Variants in EPHA5 observed in about 807,000 individuals in gnomAD.
The protein encoded by EPHA5 is EPH receptor A5, also known as ephrin type-A receptor 5.
EPHA5 carries 60 observed loss-of-function variants against 105.0 expected under a neutral mutation model. That is an observed-to-expected ratio of 0.57 (90% CI 0.46 to 0.71). The LOEUF is 0.71. Ranked by LOEUF, EPHA5 falls within the 30% of genes least tolerant of loss-of-function variation. The pLI is 0.00. For missense variants in EPHA5, 1,218 were observed against 1,274.7 expected (o/e 0.96, Z 0.68); for synonymous variants, 513 against 449.1 (o/e 1.14, Z -1.80).
intron 2 of EPHA5, among the ~76,000 whole-genome samples, chr4:65,615,967 C>T (rs1745199098): frequency 6.6e-6 from 1 of 151,860 alleles, no homozygotes; most frequent in African/African-American, 2.4e-5. Context: ...CTTACGTCCA[C>T]AGAAATACCT....
At chr4:65,355,453 C>T (rs1723209006) in intron 11 of EPHA5, among the ~76,000 whole-genome samples, 1 of 151,588 alleles carries the variant, frequency 6.6e-6, no homozygotes, top group African/African-American at 2.4e-5. Flanking sequence ...TTGTCAGACT[C>T]TTTTTAAAGG....
At chr4:65,500,600 T>A (rs1350030442) in intron 3 of EPHA5, among the ~76,000 whole-genome samples, 1 of 151,032 alleles carries the variant, frequency 6.6e-6, no homozygotes, top group Non-Finnish European at 1.5e-5. Context: ...TATTTTCAAT[T>A]AAATTTCTTT....
Position 65,336,135 on chromosome 4 carries a change from G to A in EPHA5, c.2596-10C>T, listed in dbSNP as rs772075534. ...CTACCGCTTTAATCACCTGTATAAA[G>A]CAAAACAGAACCAGCACCCCAACAC... On this transcript the variant is annotated splice_polypyrimidine_tract_variant and intron_variant, in intron 14 of 16. Transcript: ENST00000613740. 1 of 1,586,270 alleles carries A rather than the reference G, an allele frequency of 6.3e-7. No individual in the cohort carries two copies. Among genetic ancestry groups the A allele is most frequent in the Non-Finnish European group, 8.6e-7 (1 of 1,165,628 alleles).
At chr4:65,582,991 A>T (rs1157930654) in intron 3 of EPHA5, among the ~76,000 whole-genome samples, 1 of 151,644 alleles carries the variant, frequency 6.6e-6, no homozygotes, top group Admixed American at 6.6e-5. Context: ...GAATTGAGAC[A>T]AGATTTTTTT....
intron 3 of EPHA5, among the ~76,000 whole-genome samples, chr4:65,518,256 C>A (rs1369549405): frequency 1.3e-5 from 2 of 151,818 alleles, no homozygotes; most frequent in East Asian, 3.9e-4. Flanking sequence ...CTTTTATTAT[C>A]TTTTTCTTTA....
At chr4:65,328,374 T>C (rs779612197) in intron 16 of EPHA5, among the ~76,000 whole-genome samples, 30 of 151,292 alleles carry the variant, frequency 2.0e-4, no homozygotes, top group Non-Finnish European at 3.4e-4. Context: ...GATGCTAAAA[T>C]GGCAGAATGA....
rs780354388 is a variant in EPHA5, at chr4:65,332,091, A to T, written c.2827T>A (p.Ser943Thr). Reference sequence around the variant, plus strand: ...TCACCTACTGATCTGTAGGCCCCAGATCCTAGTGGGCTATGTTCTGCCAAT... The same window carrying T: ...TCACCTACTGATCTGTAGGCCCCAGTTCCTAGTGGGCTATGTTCTGCCAAT... ...NLLAEHSPLG[S>T]GAYRSVGEWL... The change falls in exon 16 of 17, where the codon TCT (serine) becomes ACT (threonine). Residue 943 changes from serine (S) to threonine (T), a missense_variant. By Grantham distance (58) the Ser-to-Thr change is moderately conservative. Transcript: ENST00000613740. 1.2e-6 allele frequency: 2 copies of T among 1,610,222 alleles called. No individual in the cohort carries two copies. The highest frequency in any genetic ancestry group is 1.7e-6 in the Non-Finnish European group (2 of 1,177,730).
At chr4:65,545,839 C>G (rs943599285) in intron 3 of EPHA5, among the ~76,000 whole-genome samples, 1 of 151,854 alleles carries the variant, frequency 6.6e-6, no homozygotes, top group Non-Finnish European at 1.5e-5. Context: ...TGTCAACAAT[C>G]AATCAGCAGT....
intron 3 of EPHA5, among the ~76,000 whole-genome samples, chr4:65,550,174 A>C (rs1256880903): frequency 3.3e-5 from 5 of 151,944 alleles, no homozygotes; most frequent in Non-Finnish European, 1.5e-5. Flanking sequence ...TACTGAACTA[A>C]GTCAAACATA....
chr4:65,372,294 C>T (rs981362048), intron 8 of EPHA5, among the ~76,000 whole-genome samples: 9 of 151,850 alleles, frequency 5.9e-5, no homozygotes, highest in Admixed American at 5.9e-4. Flanking sequence ...GCTAACTTAT[C>T]CTCATAAAAT....
At chr4:65,503,982 A>G (rs1008600490) in intron 3 of EPHA5, among the ~76,000 whole-genome samples, 2 of 151,362 alleles carry the variant, frequency 1.3e-5, no homozygotes, top group Non-Finnish European at 3.0e-5. Flanking sequence ...AGTAACAGGT[A>G]TATGTATATG....
intron 11 of EPHA5, 93 bp downstream of exon 11, chr4:65,364,924 T>A (rs1717712274): frequency 9.7e-7 from 1 of 1,029,280 alleles, no homozygotes; most frequent in Admixed American, 2.6e-5. Flanking sequence ...ATTAATATAT[T>A]ACAATCTTGG....
intron 3 of EPHA5, among the ~76,000 whole-genome samples, chr4:65,557,790 G>A (rs2149351676): frequency 6.6e-6 from 1 of 152,212 alleles, no homozygotes; most frequent in South Asian, 2.1e-4. Context: ...CTAGTGTAAT[G>A]TGAGTTCAAA....
chr4:65,477,823 C>T (rs1278202525), intron 5 of EPHA5, among the ~76,000 whole-genome samples: 2 of 152,076 alleles, frequency 1.3e-5, no homozygotes, highest in African/African-American at 4.8e-5. Flanking sequence ...TTCTTTGCAG[C>T]ACACAATTAG....
Position 65,669,666 on chromosome 4 carries a change from G to A in EPHA5, c.77C>T (p.Ala26Val). The change falls in exon 1 of 17, where the codon GCG becomes GTG. Residue 26 changes from alanine (A) to valine (V), a missense_variant. Ala to Val is a moderately conservative substitution (Grantham distance 64, BLOSUM62 0). Coordinates refer to ENST00000613740, the MANE Select transcript of EPHA5 (RefSeq NM_001281766.3). The stretch of plus-strand genomic sequence containing the variant: ...TGCAGAGTAGCAGCCGGCCAGGGAC[G>A]CTGGGGTGATGGGGGTGTCGCCGCC... ...SGGGDTPITP[A>V]SLAGCYSAPR... 1 of 1,357,770 alleles carries A rather than the reference G, an allele frequency of 7.4e-7. No homozygotes were observed. The highest frequency in any genetic ancestry group is 2.1e-5 in the South Asian group (1 of 48,562). 84.1% of individuals were successfully genotyped at this position (1,357,770 alleles called of 1,614,324 possible).
At chr4:65,358,425 G>A (rs1383567779) in intron 11 of EPHA5, among the ~76,000 whole-genome samples, 1 of 151,470 alleles carries the variant, frequency 6.6e-6, no homozygotes, top group Admixed American at 6.6e-5. Flanking sequence ...ATTTCATTAT[G>A]CCATCTTATT....
At chr4:65,551,274 GTGTGTGTATATA>G (rs1414990185) in intron 3 of EPHA5, among the ~76,000 whole-genome samples, 6 of 101,084 alleles carry the variant, frequency 5.9e-5, no homozygotes, top group African/African-American at 2.4e-4. Flanking sequence ...GTGTGTGTGT[GTGTGTGTATATA>G]TATATATATA....
At chr4:65,510,973 A>G (rs980302574) in intron 3 of EPHA5, among the ~76,000 whole-genome samples, 9 of 152,120 alleles carry the variant, frequency 5.9e-5, no homozygotes, top group Non-Finnish European at 7.3e-5. Flanking sequence ...TGAGCCCTCA[A>G]TCAATCAATC....
chr4:65,446,152 T>A (rs1238837029), intron 5 of EPHA5, among the ~76,000 whole-genome samples: 1 of 152,162 alleles, frequency 6.6e-6, no homozygotes, highest in African/African-American at 2.4e-5. Context: ...TTTCAATGGG[T>A]TACAATGCCT....
Sources: gnomAD v4.1 joint callset for allele counts (sites outside exome capture counted in the v4.1 genomes callset) on GRCh38, gnomAD v4.1.1 for gene constraint, MANE v1.5 for transcripts, NCBI Gene and HGNC (gene_info 2026-07-23, HGNC 2026-07-21) for gene names.